AGBL4: variants seen among roughly 807,000 people sequenced by gnomAD.
AGBL4 encodes cytosolic carboxypeptidase 6.
A neutral mutation model predicts 66.4 loss-of-function variants in AGBL4; 58 were observed. The ratio of observed to expected loss-of-function variants is 0.87; its 90% CI spans 0.71 to 1.09. The LOEUF is 1.09. AGBL4 is among the 50% of genes least tolerant of loss of function. The pLI is 0.00. For synonymous variants in AGBL4, 234 were observed against 222.9 expected, an observed-to-expected ratio of 1.05 and a Z score of -0.44; for missense variants, 579 against 631.0, an observed-to-expected ratio of 0.92 and a Z score of 0.88.
chr1:49,157,281 G>A (rs1204262113), intron 4 of AGBL4, among the ~76,000 whole-genome samples: 3 of 121,426 alleles, frequency 2.5e-5, no homozygotes, highest in South Asian at 2.9e-4. Flanking sequence ...TCCCCTCCCC[G>A]TGTCCATGTT....
intron 9 of AGBL4, among the ~76,000 whole-genome samples, chr1:48,620,091 G>A (rs570352863): frequency 6.0e-4 from 92 of 152,246 alleles, no homozygotes; most frequent in South Asian, 2.1e-3. Context: ...GGAATGAATT[G>A]AAACCGACAA....
intron 3 of AGBL4, among the ~76,000 whole-genome samples, chr1:49,667,779 C>T (rs1646398326): frequency 6.6e-6 from 1 of 152,076 alleles, no homozygotes; most frequent in African/African-American, 2.4e-5. Flanking sequence ...TCTATTGCTG[C>T]AACTGCAAGA....
chr1:48,855,030 T>A (rs2148813197), intron 6 of AGBL4, among the ~76,000 whole-genome samples: 1 of 152,350 alleles, frequency 6.6e-6, no homozygotes, highest in Non-Finnish European at 1.5e-5. Flanking sequence ...TTAAGCTAAT[T>A]TAGGCTTGGA....
chr1:49,440,896 G>T (rs1646013571), intron 3 of AGBL4, among the ~76,000 whole-genome samples: 1 of 152,136 alleles, frequency 6.6e-6, no homozygotes, highest in Non-Finnish European at 1.5e-5. Context: ...AAACTCTGAT[G>T]AACTTTTTTT....
Position 49,903,143 on chromosome 1 carries a change from C to T in AGBL4, c.35-51625G>A, listed in dbSNP as rs558114015. On this transcript the variant is annotated intron_variant, in intron 1 of 13. Coordinates refer to ENST00000371839, the MANE Select transcript of AGBL4 (RefSeq NM_032785.4). ...ATAAAGAAAAGGTGGTACATATATA[C>T]CAGGGAATACTACCTAGCCATAAAA... Among the ~76,000 whole-genome samples, 10 of 152,222 alleles carry T rather than the reference C, an allele frequency of 6.6e-5. No individual in the cohort carries two copies. The South Asian group carries it at 2.1e-3, about 32-fold the overall frequency.
At chr1:48,945,665 C>A (rs1656439457) in intron 5 of AGBL4, among the ~76,000 whole-genome samples, 2 of 152,152 alleles carry the variant, frequency 1.3e-5, no homozygotes, top group Admixed American at 1.3e-4. Flanking sequence ...AAAACCACAA[C>A]AACTTTATTT....
chr1:49,652,512 A>T (rs1646028088), intron 3 of AGBL4, among the ~76,000 whole-genome samples: 1 of 152,050 alleles, frequency 6.6e-6, no homozygotes, highest in South Asian at 2.1e-4. Context: ...GAGACACAGG[A>T]GTTTTTGCAT....
intron 3 of AGBL4, among the ~76,000 whole-genome samples, chr1:49,361,214 T>A (rs1280801607): frequency 1.3e-5 from 2 of 152,216 alleles, no homozygotes; most frequent in Non-Finnish European, 2.9e-5. Flanking sequence ...TTTATTGCAA[T>A]GATATTTAAA....
chr1:49,980,206 G>A (rs1658946728), intron 1 of AGBL4, among the ~76,000 whole-genome samples: 1 of 152,006 alleles, frequency 6.6e-6, no homozygotes, highest in African/African-American at 2.4e-5. Flanking sequence ...CTAACCCATT[G>A]TTCAAGGGTC....
intron 4 of AGBL4, among the ~76,000 whole-genome samples, chr1:49,192,625 G>A (rs974151836): frequency 3.3e-5 from 5 of 152,168 alleles, no homozygotes; most frequent in African/African-American, 1.2e-4. Context: ...TAAACATGTT[G>A]GCTTGTATGT....
intron 5 of AGBL4, among the ~76,000 whole-genome samples, chr1:48,940,578 A>G (rs561714839): frequency 2.0e-5 from 3 of 152,186 alleles, no homozygotes; most frequent in Admixed American, 6.5e-5. Flanking sequence ...CCTGTCCCCT[A>G]CATATTTCTT....
Position 49,911,756 on chromosome 1 carries a change from T to C in AGBL4, c.35-60238A>G, listed in dbSNP as rs866717717. 4.6e-5 allele frequency among the ~76,000 whole-genome samples: 7 copies of C among 152,200 alleles called. No individual in the cohort carries two copies. The South Asian group carries it at 1.4e-3, about 32-fold the overall frequency. On this transcript the variant is annotated intron_variant, in intron 1 of 13. Transcript: ENST00000371839. The stretch of plus-strand genomic sequence containing the variant: ...TAAGAGGCTTGGCTACAGTCCCATT[T>C]GGCCTTGAGCCTGCAACCAAAACCA...
chr1:49,323,114 G>T (rs1645159779), intron 3 of AGBL4, among the ~76,000 whole-genome samples: 1 of 152,136 alleles, frequency 6.6e-6, no homozygotes, highest in South Asian at 2.1e-4. Flanking sequence ...AAACAGTTTT[G>T]ATTGTAAACA....
At chr1:48,588,098 TTCCTCTCTATAGA>T (rs1284681701) in intron 10 of AGBL4, among the ~76,000 whole-genome samples, 1 of 152,122 alleles carries the variant, frequency 6.6e-6, no homozygotes, top group Non-Finnish European at 1.5e-5. Context: ...AAACTGAGGT[TTCCTCTCTATAGA>T]TGAGGAATAT....
chr1:49,770,178 A>C (rs1248955587), intron 2 of AGBL4, among the ~76,000 whole-genome samples: 2 of 152,188 alleles, frequency 1.3e-5, no homozygotes, highest in African/African-American at 4.8e-5. Flanking sequence ...TATGGCCGTT[A>C]TCGTGATGAG....
At chr1:49,719,570 T>C (rs1648432460) in intron 2 of AGBL4, among the ~76,000 whole-genome samples, 1 of 152,126 alleles carries the variant, frequency 6.6e-6, no homozygotes, top group Non-Finnish European at 1.5e-5. Flanking sequence ...CTTGCGTCAC[T>C]GTATTGTGGT....
chr1:49,369,655 C>G (rs535225540), intron 3 of AGBL4, among the ~76,000 whole-genome samples: 1 of 152,136 alleles, frequency 6.6e-6, no homozygotes, highest in African/African-American at 2.4e-5. Flanking sequence ...TCACAGGGTC[C>G]TCTCAAATCT....
intron 5 of AGBL4, among the ~76,000 whole-genome samples, chr1:48,923,816 G>T (rs952902266): frequency 1.3e-5 from 2 of 152,096 alleles, no homozygotes; most frequent in Non-Finnish European, 2.9e-5. Flanking sequence ...ATACATCCGT[G>T]GGCATGTAAG....
chr1:49,347,481 G>T (rs566851799), intron 3 of AGBL4, among the ~76,000 whole-genome samples: 3 of 151,906 alleles, frequency 2.0e-5, no homozygotes, highest in African/African-American at 7.2e-5. Context: ...TCGATCTCCT[G>T]ACCTCATGAT....
Sources: gnomAD v4.1 joint callset for allele counts (sites outside exome capture counted in the v4.1 genomes callset) on GRCh38, gnomAD v4.1.1 for gene constraint, MANE v1.5 for transcripts, NCBI Gene and HGNC (gene_info 2026-07-23, HGNC 2026-07-21) for gene names.